Variants in CAGE1 observed in about 807,000 individuals in gnomAD.
The protein encoded by CAGE1 is cancer antigen 1.
In CAGE1, 66 loss-of-function variants were observed where a neutral mutation model predicts 94.9. The observed-to-expected ratio is 0.70, with a 90% confidence interval of 0.57 to 0.85. CAGE1 has a LOEUF of 0.85. Ranked by LOEUF, CAGE1 falls within the 40% of genes least tolerant of loss-of-function variation. The pLI is 0.00. For synonymous variants in CAGE1, 319 were observed against 321.0 expected (o/e 0.99, Z 0.07); for missense variants, 865 against 950.4 (o/e 0.91, Z 1.18).
intron 11 of CAGE1, among the ~76,000 whole-genome samples, chr6:7,350,497 C>T (rs1488757726): frequency 6.6e-6 from 1 of 152,040 alleles, no homozygotes; most frequent in African/African-American, 2.4e-5. Context: ...CCAAAATAGA[C>T]CATATCATAG....
At chr6:7,376,917 T>C (rs1034732441) in intron 4 of CAGE1, among the ~76,000 whole-genome samples, 1 of 152,244 alleles carries the variant, frequency 6.6e-6, no homozygotes, top group African/African-American at 2.4e-5. Context: ...AGTGTCCTTA[T>C]CATAGATGCC....
At chr6:7,331,323 CAA>C (rs1262009716) in intron 12 of CAGE1, 2 of 1,031,232 alleles carry the variant, frequency 1.9e-6, no homozygotes, top group African/African-American at 1.7e-5. Flanking sequence ...AACCATCAAA[CAA>C]AAGAGACCCG....
chr6:7,333,655 T>TATATATATAC (rs1554136125), intron 12 of CAGE1, among the ~76,000 whole-genome samples: 27 of 108,628 alleles, frequency 2.5e-4, no homozygotes, highest in African/African-American at 1.1e-3. Context: ...TATATATATA[T>TATATATATAC]ATATATATAT....
At chr6:7,384,569 C>T (rs893699936) in intron 3 of CAGE1, among the ~76,000 whole-genome samples, 2 of 152,024 alleles carry the variant, frequency 1.3e-5, no homozygotes, top group Non-Finnish European at 2.9e-5. Context: ...GAATTTGAGA[C>T]CAGCCTGGGC....
chr6:7,371,338 T>C (rs935535882), intron 5 of CAGE1, among the ~76,000 whole-genome samples: 3 of 152,186 alleles, frequency 2.0e-5, no homozygotes, highest in African/African-American at 7.2e-5. Context: ...GATTTTTTTT[T>C]TAATTTAGGA....
chr6:7,345,195 A>G (rs911961329), intron 11 of CAGE1, among the ~76,000 whole-genome samples: 1 of 110,298 alleles, frequency 9.1e-6, no homozygotes, highest in African/African-American at 5.1e-5. Context: ...GAAGGTTTGT[A>G]GTTTCACTCT....
chr6:7,327,855 C>T (rs928321679), intron 13 of CAGE1, among the ~76,000 whole-genome samples: 6 of 151,852 alleles, frequency 4.0e-5, no homozygotes, highest in South Asian at 4.2e-4. Flanking sequence ...ACTTGAACCC[C>T]GGAAGTGGAG....
chr6:7,326,848 T>C lies in CAGE1; in HGVS notation c.*10A>G. 1 of 1,557,090 alleles carries C rather than the reference T, an allele frequency of 6.4e-7. No individual in the cohort carries two copies. Among genetic ancestry groups the C allele is most frequent in the Non-Finnish European group, 8.9e-7 (1 of 1,128,512 alleles). ...GACAAAAATGATTACTGTTTAATCT[T>C]CAGGCTTGTTTAATCTAAATCATTT... On this transcript the variant is annotated 3_prime_UTR_variant, in exon 14 of 14. Transcript: ENST00000502583.
intron 12 of CAGE1, among the ~76,000 whole-genome samples, chr6:7,333,306 T>G (rs989619201): frequency 3.3e-5 from 5 of 152,160 alleles, no homozygotes; most frequent in African/African-American, 1.2e-4. Flanking sequence ...TCTTGTAGCA[T>G]CAGATGTTGA....
chr6:7,349,963 A>G (rs566815997), intron 11 of CAGE1, among the ~76,000 whole-genome samples: 11 of 147,470 alleles, frequency 7.5e-5, no homozygotes, highest in African/African-American at 2.6e-4. Flanking sequence ...AAAGAAAGAA[A>G]GAAGAAAAAA....
intron 11 of CAGE1, among the ~76,000 whole-genome samples, chr6:7,335,037 C>T (rs1248254678): frequency 2.0e-5 from 3 of 152,200 alleles, no homozygotes; most frequent in Non-Finnish European, 4.4e-5. Context: ...TTCACCTGGC[C>T]TCATCCAGCA....
intron 6 of CAGE1, among the ~76,000 whole-genome samples, chr6:7,369,547 G>C (rs1581689775): frequency 6.6e-6 from 1 of 152,126 alleles, no homozygotes; most frequent in Non-Finnish European, 1.5e-5. Flanking sequence ...ACCAAACGTG[G>C]TATTTTAGAT....
intron 11 of CAGE1, among the ~76,000 whole-genome samples, chr6:7,344,369 C>T (rs941477451): frequency 7.9e-5 from 12 of 152,242 alleles, no homozygotes; most frequent in African/African-American, 2.4e-4. Context: ...GGGCCAGCGG[C>T]TGCAGAGGGT....
chr6:7,327,543 T>G (rs1758578557), intron 13 of CAGE1, among the ~76,000 whole-genome samples: 1 of 152,224 alleles, frequency 6.6e-6, no homozygotes, highest in African/African-American at 2.4e-5. Context: ...TTCATCTTCC[T>G]TGGTTTGGTT....
chr6:7,358,860 GGT>G (rs1221918592), intron 9 of CAGE1, among the ~76,000 whole-genome samples: 1 of 152,100 alleles, frequency 6.6e-6, no homozygotes, highest in African/African-American at 2.4e-5. Flanking sequence ...AATAATGGTA[GGT>G]GTGTGTTTAA....
chr6:7,370,100 G>T (rs757053981), intron 5 of CAGE1, 35 bp from the exon 6 acceptor site: 1 of 1,494,274 alleles, frequency 6.7e-7, no homozygotes, highest in Non-Finnish European at 9.0e-7. Context: ...TCAAAATAAT[G>T]ATGAAGAACC....
intron 3 of CAGE1, among the ~76,000 whole-genome samples, chr6:7,382,624 A>G (rs1389696835): frequency 6.6e-6 from 1 of 150,428 alleles, no homozygotes; most frequent in Non-Finnish European, 1.5e-5. Context: ...GTCTTAAGAA[A>G]TCTTAGGCTG....
intron 7 of CAGE1, among the ~76,000 whole-genome samples, chr6:7,366,573 C>T (rs1021375807): frequency 6.6e-6 from 1 of 152,172 alleles, no homozygotes; most frequent in Admixed American, 6.5e-5. Flanking sequence ...CTGATAAAAA[C>T]CTGGGGCACT....
At chr6:7,376,254 T>C (rs959165159) in intron 4 of CAGE1, among the ~76,000 whole-genome samples, 6 of 151,994 alleles carry the variant, frequency 3.9e-5, no homozygotes, top group Non-Finnish European at 7.4e-5. Flanking sequence ...CTGGGCGTGG[T>C]GGCACACACC....
Sources: gnomAD v4.1 joint callset for allele counts (sites outside exome capture counted in the v4.1 genomes callset) on GRCh38, gnomAD v4.1.1 for gene constraint, MANE v1.5 for transcripts, NCBI Gene and HGNC (gene_info 2026-07-23, HGNC 2026-07-21) for gene names.